PREX1: variants seen among roughly 807,000 people sequenced by gnomAD.
PREX1 encodes the protein phosphatidylinositol-3,4,5-trisphosphate dependent Rac exchange factor 1, also known as phosphatidylinositol 3,4,5-trisphosphate-dependent Rac exchanger 1 protein.
Under a neutral mutation model 198.3 loss-of-function variants are expected in PREX1, and 41 were observed. That is an observed-to-expected ratio of 0.21 (90% CI 0.16 to 0.27). The LOEUF is 0.27. Ranked by LOEUF, PREX1 falls within the 10% of genes least tolerant of loss-of-function variation. The pLI is 1.00. For missense variants in PREX1, 1,620 were observed against 2,200.7 expected, an observed-to-expected ratio of 0.74 and a Z score of 5.28; for synonymous variants, 843 against 887.2, an observed-to-expected ratio of 0.95 and a Z score of 0.89.
the PREX1 span, among the ~76,000 whole-genome samples, chr20:48,886,426 G>A: frequency 6.6e-6 from 1 of 152,094 alleles, no homozygotes; most frequent in Non-Finnish European, 1.5e-5. Flanking sequence ...ACACCCCCAG[G>A]CGCTGGCCAG....
intron 6 of PREX1, among the ~76,000 whole-genome samples, chr20:48,706,718 G>A (rs934838956): frequency 6.6e-6 from 1 of 152,198 alleles, no homozygotes; most frequent in Non-Finnish European, 1.5e-5. Flanking sequence ...AGTCTTCGAG[G>A]ATGCATCCTA....
the PREX1 span, among the ~76,000 whole-genome samples, chr20:48,876,155 TG>T: frequency 3.3e-5 from 5 of 152,120 alleles, no homozygotes; most frequent in South Asian, 1.0e-3. Flanking sequence ...AGGTGGCAGA[TG>T]GGGGTGATAG....
At chr20:48,808,191 C>A (rs941887527) in intron 1 of PREX1, among the ~76,000 whole-genome samples, 1 of 152,156 alleles carries the variant, frequency 6.6e-6, no homozygotes, top group African/African-American at 2.4e-5. Flanking sequence ...CAGGCACAGG[C>A]ACCGTGGGCA....
chr20:48,782,734 A>G lies in PREX1; in HGVS notation c.220-34854T>C, dbSNP rs2090295417. Reference sequence around the variant, plus strand: ...AAAGGACTTCCCAGGTAGAGGAAACAGCACAGGCAAGAACCTAGAGGCCGG... The same window carrying G: ...AAAGGACTTCCCAGGTAGAGGAAACGGCACAGGCAAGAACCTAGAGGCCGG... On this transcript the variant is annotated intron_variant, in intron 1 of 39. Transcript: ENST00000371941. Among the ~76,000 whole-genome samples, 3 of 152,180 alleles carry G rather than the reference A, an allele frequency of 2.0e-5. No individual in the cohort carries two copies. The South Asian group carries it at 6.2e-4, about 31-fold the overall frequency.
At chr20:48,748,798 G>A (rs1333516117) in intron 1 of PREX1, among the ~76,000 whole-genome samples, 1 of 152,220 alleles carries the variant, frequency 6.6e-6, no homozygotes, top group Non-Finnish European at 1.5e-5. Context: ...CGCAGGCCCA[G>A]GACCACCAGA....
chr20:48,634,635 G>A (rs1357674286), intron 33 of PREX1, 41 bp downstream of exon 33: 1 of 1,585,184 alleles, frequency 6.3e-7, no homozygotes, highest in Admixed American at 1.7e-5. Flanking sequence ...TCCACCCCAG[G>A]ACCCCACCTC....
chr20:48,713,451 T>C (rs2089944986), intron 5 of PREX1, among the ~76,000 whole-genome samples: 2 of 150,608 alleles, frequency 1.3e-5, no homozygotes, highest in Non-Finnish European at 3.0e-5. Context: ...GACTCCATCA[T>C]AAAAAAAGAG....
the PREX1 span, among the ~76,000 whole-genome samples, chr20:48,869,287 G>C: frequency 7.4e-6 from 1 of 135,040 alleles, no homozygotes; most frequent in Non-Finnish European, 1.5e-5. Flanking sequence ...TTTTTGTTTT[G>C]TTTTGTTTTT....
At chr20:48,858,034 C>T in the PREX1 span, among the ~76,000 whole-genome samples, 6 of 152,284 alleles carry the variant, frequency 3.9e-5, no homozygotes, top group African/African-American at 1.4e-4. Flanking sequence ...GGGTACGGGC[C>T]GATGGCAGCG....
chr20:48,828,460 C>A (rs953396815), upstream of PREX1, among the ~76,000 whole-genome samples: 1 of 152,126 alleles, frequency 6.6e-6, no homozygotes, highest in Non-Finnish European at 1.5e-5. Flanking sequence ...CGCTGCGGAG[C>A]CGCTCGGGGG....
intron 1 of PREX1, among the ~76,000 whole-genome samples, chr20:48,795,426 C>A (rs142153993): frequency 5.8e-4 from 88 of 151,778 alleles, no homozygotes; most frequent in African/African-American, 2.0e-3. Flanking sequence ...ACCCCCCACC[C>A]CTGAGGACAT....
At chr20:48,860,229 A>G in the PREX1 span, among the ~76,000 whole-genome samples, 1 of 152,222 alleles carries the variant, frequency 6.6e-6, no homozygotes, top group Admixed American at 6.5e-5. Context: ...ATGCTACAAC[A>G]TGGGTGAACC....
At chr20:48,879,769 A>T in the PREX1 span, among the ~76,000 whole-genome samples, 1 of 152,250 alleles carries the variant, frequency 6.6e-6, no homozygotes, top group Non-Finnish European at 1.5e-5. Flanking sequence ...AATTATGCAC[A>T]GTGGTGACAA....
At chr20:48,865,924 G>C in the PREX1 span, among the ~76,000 whole-genome samples, 1 of 151,690 alleles carries the variant, frequency 6.6e-6, no homozygotes, top group African/African-American at 2.4e-5. Flanking sequence ...CAATTTTTCA[G>C]TGTATGCCCT....
the PREX1 span, among the ~76,000 whole-genome samples, chr20:48,839,175 C>T: frequency 0.028 from 4,248 of 152,184 alleles, 208 homozygotes; most frequent in African/African-American, 0.097. Flanking sequence ...TTTTCCTCCT[C>T]TTTTGATTTG....
At chr20:48,819,609 T>C (rs1217348683) in intron 1 of PREX1, among the ~76,000 whole-genome samples, 4 of 152,218 alleles carry the variant, frequency 2.6e-5, no homozygotes, top group Non-Finnish European at 5.9e-5. Flanking sequence ...GGTATAATGA[T>C]GATATTGACC....
intron 5 of PREX1, among the ~76,000 whole-genome samples, chr20:48,723,938 A>G (rs919893462): frequency 2.0e-5 from 3 of 152,220 alleles, no homozygotes; most frequent in South Asian, 2.1e-4. Flanking sequence ...CGCAAGATCC[A>G]GAAACCAAAC....
intron 1 of PREX1, among the ~76,000 whole-genome samples, chr20:48,790,044 T>C (rs1194383856): frequency 1.3e-5 from 2 of 152,078 alleles, no homozygotes; most frequent in Non-Finnish European, 2.9e-5. Flanking sequence ...TAGTTAAGAG[T>C]GTGGGCTTTG....
In PREX1 at chr20:48,631,713, G is replaced by A. The variant is rs1568790017; in HGVS notation, c.4526+564C>T. On this transcript the variant is annotated intron_variant, in intron 35 of 39. Transcript: ENST00000371941. ...ATTCTCGGCCTGCCTCTGTCACAGA[G>A]GGAGGTGGTGAGACACACGCAGGAA... Among the ~76,000 whole-genome samples, 3 of 152,296 alleles carry A rather than the reference G, an allele frequency of 2.0e-5. No individual in the cohort carries two copies. The South Asian group carries it at 6.2e-4, about 32-fold the overall frequency.
Sources: allele counts gnomAD v4.1 joint callset (sites outside exome capture counted in the v4.1 genomes callset), GRCh38; gene constraint gnomAD v4.1.1; transcripts MANE v1.5; gene names NCBI Gene and HGNC (gene_info 2026-07-23, HGNC 2026-07-21).